Variants in ZFAT observed in about 807,000 individuals in gnomAD.
The protein encoded by ZFAT is zinc finger protein ZFAT.
Under a neutral mutation model 117.7 loss-of-function variants are expected in ZFAT, and 64 were observed. That is an observed-to-expected ratio of 0.54 (90% CI 0.44 to 0.67). The LOEUF (loss-of-function observed/expected upper bound fraction) is 0.67. Among genes scored for constraint, ZFAT ranks in the 30% least tolerant of loss-of-function variants. The probability of loss-of-function intolerance (pLI) is 0.00; values close to 1 mark genes in which losing one functional copy is unlikely to be tolerated. For missense variants in ZFAT, 1,433 were observed against 1,584.5 expected (o/e 0.90, Z 1.62); for synonymous variants, 679 against 615.0 (o/e 1.10, Z -1.54).
Position 134,521,936 on chromosome 8 carries a change from T to C in ZFAT, c.3116-935A>G, listed in dbSNP as rs1247551530. The stretch of plus-strand genomic sequence containing the variant: ...CTGTGAGCTACCCGATTCCAGCAGG[T>C]CATTCCCTAGTCGCAAACTCTGGCT... On this transcript the variant is annotated intron_variant, in intron 12 of 15. Transcript: ENST00000377838. 6.8e-4 allele frequency among the ~76,000 whole-genome samples: 104 copies of C among 152,120 alleles called. 1 individual carries two copies. The highest frequency in any genetic ancestry group is 6.5e-4 in the Admixed American group (10 of 15,276).
the ZFAT span, among the ~76,000 whole-genome samples, chr8:134,757,009 CTTT>C: frequency 1.4e-4 from 11 of 81,226 alleles, no homozygotes; most frequent in African/African-American, 4.2e-4. Flanking sequence ...ACCTTCTTTC[CTTT>C]TTTTTTTTTT....
intron 1 of ZFAT, among the ~76,000 whole-genome samples, chr8:134,699,744 C>A (rs1415329573): frequency 6.6e-6 from 1 of 152,322 alleles, no homozygotes; most frequent in East Asian, 1.9e-4. Flanking sequence ...ACTGCAGTTA[C>A]GCTGGCAGAG....
chr8:134,762,450 T>C, the ZFAT span, among the ~76,000 whole-genome samples: 2 of 152,244 alleles, frequency 1.3e-5, no homozygotes, highest in African/African-American at 4.8e-5. Context: ...TCAGGAGAAT[T>C]TGACACTGTT....
chr8:134,817,640 G>C, the ZFAT span, among the ~76,000 whole-genome samples: 9 of 152,110 alleles, frequency 5.9e-5, no homozygotes, highest in Non-Finnish European at 1.0e-4. Context: ...TTGACCTACA[G>C]ATTCACTGCA....
chr8:134,573,543 G>A (rs2130806176), intron 10 of ZFAT, among the ~76,000 whole-genome samples: 1 of 152,258 alleles, frequency 6.6e-6, no homozygotes, highest in East Asian at 1.9e-4. Flanking sequence ...GCTTGCTGGA[G>A]GTTTCCACTG....
chr8:134,771,382 T>G, the ZFAT span, among the ~76,000 whole-genome samples: 3 of 152,202 alleles, frequency 2.0e-5, no homozygotes, highest in Non-Finnish European at 4.4e-5. Context: ...GCTTTGCCAC[T>G]TAGAAATTTC....
intron 10 of ZFAT, among the ~76,000 whole-genome samples, chr8:134,577,916 C>T (rs1825426835): frequency 6.6e-6 from 1 of 152,080 alleles, no homozygotes; most frequent in Admixed American, 6.5e-5. Flanking sequence ...CAGGAAGCCA[C>T]GGGCGTCTGG....
the ZFAT span, among the ~76,000 whole-genome samples, chr8:134,751,925 T>C: frequency 4.7e-4 from 72 of 152,340 alleles, no homozygotes; most frequent in African/African-American, 1.6e-3. Context: ...AACATGTCCC[T>C]TGCACACCAG....
the ZFAT span, among the ~76,000 whole-genome samples, chr8:134,817,413 AC>A: frequency 2.1e-5 from 2 of 96,996 alleles, no homozygotes; most frequent in African/African-American, 3.9e-5. Context: ...ACACACACAC[AC>A]ACACACACAC....
the ZFAT span, among the ~76,000 whole-genome samples, chr8:134,761,280 G>C: frequency 6.6e-6 from 1 of 152,242 alleles, no homozygotes; most frequent in East Asian, 1.9e-4. Context: ...AAAGGACTGA[G>C]GGTATGATGG....
chr8:134,652,067 C>T (rs1831277237), intron 2 of ZFAT, among the ~76,000 whole-genome samples: 1 of 152,138 alleles, frequency 6.6e-6, no homozygotes. Flanking sequence ...CCTCTAATCC[C>T]AGCACTTCGG....
At chr8:134,743,670 G>A in the ZFAT span, among the ~76,000 whole-genome samples, 1 of 152,144 alleles carries the variant, frequency 6.6e-6, no homozygotes, top group Non-Finnish European at 1.5e-5. Flanking sequence ...TTGTAAAATA[G>A]TGCTTTTCAC....
the ZFAT span, among the ~76,000 whole-genome samples, chr8:134,770,382 C>A: frequency 6.6e-6 from 1 of 152,152 alleles, no homozygotes; most frequent in African/African-American, 2.4e-5. Context: ...TTTATAATTT[C>A]TTATGCCTGT....
intron 15 of ZFAT, among the ~76,000 whole-genome samples, chr8:134,486,232 A>G (rs1286542230): frequency 6.6e-6 from 1 of 152,196 alleles, no homozygotes; most frequent in East Asian, 1.9e-4. Flanking sequence ...TGCTGCCCAC[A>G]TTCCCAGTGC....
chr8:134,594,937 G>GC (rs1487123827), intron 7 of ZFAT: 3 of 152,324 alleles, frequency 2.0e-5, no homozygotes, highest in African/African-American at 7.2e-5. Context: ...GCCAGATGCT[G>GC]CACTTCCTGC....
chr8:134,499,385 T>G (rs13272133), intron 15 of ZFAT, among the ~76,000 whole-genome samples: 1,494 of 78,160 alleles, frequency 0.019, 12 homozygotes, highest in Middle Eastern at 0.024. Flanking sequence ...GGGAGGGTTG[T>G]GGTGGAGCTG....
At chr8:134,655,899 C>T (rs1451976145) in intron 2 of ZFAT, among the ~76,000 whole-genome samples, 1 of 151,534 alleles carries the variant, frequency 6.6e-6, no homozygotes, top group Non-Finnish European at 1.5e-5. Context: ...ACAAAAAATA[C>T]AAAACTTAGC....
intron 10 of ZFAT, among the ~76,000 whole-genome samples, chr8:134,566,695 C>T (rs748177698): frequency 1.3e-5 from 2 of 152,278 alleles, no homozygotes; most frequent in Non-Finnish European, 2.9e-5. Flanking sequence ...ACTCTTGCAC[C>T]TTTCCCTCTT....
chr8:134,755,688 T>G, the ZFAT span, among the ~76,000 whole-genome samples: 7 of 151,568 alleles, frequency 4.6e-5, no homozygotes, highest in Non-Finnish European at 4.4e-5. Context: ...GGCACATGCC[T>G]GTAATCCTAG....
Sources: allele counts gnomAD v4.1 joint callset (sites outside exome capture counted in the v4.1 genomes callset), GRCh38; gene constraint gnomAD v4.1.1; transcripts MANE v1.5; gene names NCBI Gene and HGNC (gene_info 2026-07-23, HGNC 2026-07-21).